The following SLC25A37 variants were observed in gnomAD, a reference collection of about 807,000 sequenced individuals.
SLC25A37 encodes mitoferrin-1.
Under a neutral mutation model 31.0 loss-of-function variants are expected in SLC25A37, and 17 were observed. The observed-to-expected ratio is 0.55, with a 90% CI of 0.38 to 0.82. SLC25A37 has a LOEUF of 0.82. Ranked by LOEUF, SLC25A37 falls within the 40% of genes least tolerant of loss-of-function variation. The probability of loss-of-function intolerance (pLI) is 0.00; values close to 1 mark genes in which losing one functional copy is unlikely to be tolerated. For missense variants in SLC25A37, 404 were observed against 465.8 expected, an observed-to-expected ratio of 0.87 and a Z score of 1.22; for synonymous variants, 222 against 193.0, an observed-to-expected ratio of 1.15 and a Z score of -1.24.
chr8:23,562,883 C>G (rs777659749), intron 1 of SLC25A37, among the ~76,000 whole-genome samples: 28 of 152,124 alleles, frequency 1.8e-4, no homozygotes, highest in Non-Finnish European at 3.7e-4. Context: ...CACCTGGTAC[C>G]CTTGCTTTTT....
chr8:23,536,010 G>T (rs1421513622), intron 1 of SLC25A37, among the ~76,000 whole-genome samples: 1 of 152,152 alleles, frequency 6.6e-6, no homozygotes, highest in Admixed American at 6.5e-5. Context: ...TTATAGGGTT[G>T]TTGTAAGAAT....
At chr8:23,545,885 C>G (rs933031401) in intron 1 of SLC25A37, among the ~76,000 whole-genome samples, 2 of 152,080 alleles carry the variant, frequency 1.3e-5, no homozygotes, top group African/African-American at 2.4e-5. Context: ...GCCTGTAATT[C>G]CAGCACTTTG....
intron 1 of SLC25A37, among the ~76,000 whole-genome samples, chr8:23,548,557 A>C (rs1156810612): frequency 8.0e-6 from 1 of 125,670 alleles, no homozygotes; most frequent in Admixed American, 9.0e-5. Context: ...TGTAACCTCC[A>C]CCTCCTGGGT....
chr8:23,531,232 C>T (rs1801655337), intron 1 of SLC25A37, among the ~76,000 whole-genome samples: 1 of 152,228 alleles, frequency 6.6e-6, no homozygotes, highest in Admixed American at 6.5e-5. Flanking sequence ...AGTTGTCTGC[C>T]AAGCATGAGG....
Position 23,572,007 on chromosome 8 carries a change from G to GT in SLC25A37, c.*152_*153insT. The GT allele has an allele frequency of 3.5e-6, 3 of 851,550 alleles. No homozygotes were observed. Among genetic ancestry groups the GT allele is most frequent in the Non-Finnish European group, 3.6e-6 (2 of 558,720 alleles). The allele number at this position is 851,550 out of a possible 1,614,324, so 52.7% of individuals were successfully genotyped here. A position where few individuals can be genotyped will look rare whatever the true frequency, so the allele number is the denominator to read the frequency against. ...CCTTAGAGAGAGGAGGGGACGGCAC[G>GT]GCCGCTCACCGGAAGGCTGTGTGCG... is the stretch of plus-strand genomic sequence containing the variant. On this transcript the variant is annotated 3_prime_UTR_variant, in exon 4 of 4. Transcript: ENST00000519973.
intron 1 of SLC25A37, among the ~76,000 whole-genome samples, chr8:23,540,990 C>A (rs192044403): frequency 6.0e-4 from 91 of 152,326 alleles, no homozygotes; most frequent in Admixed American, 3.4e-3. Context: ...AAAATCCAGG[C>A]TCTCATTCCA....
At chr8:23,554,912 C>T (rs1246896926) in intron 1 of SLC25A37, among the ~76,000 whole-genome samples, 1 of 152,156 alleles carries the variant, frequency 6.6e-6, no homozygotes, top group Non-Finnish European at 1.5e-5. Flanking sequence ...TTCATAGCTC[C>T]CATCATATTG....
chr8:23,565,258 C>G (rs1802621807), intron 1 of SLC25A37, among the ~76,000 whole-genome samples: 1 of 152,100 alleles, frequency 6.6e-6, no homozygotes, highest in Non-Finnish European at 1.5e-5. Flanking sequence ...AGTGTTAGAT[C>G]AAATATCTGG....
At chr8:23,566,715 CAA>C (rs74273493) in intron 2 of SLC25A37, 1,171 of 803,432 alleles carry the variant, frequency 1.5e-3, no homozygotes, top group South Asian at 2.5e-3. Flanking sequence ...ATGCTGGATT[CAA>C]AAAAAAAAAA....
At chr8:23,536,780 G>C (rs909406787) in intron 1 of SLC25A37, among the ~76,000 whole-genome samples, 2 of 152,226 alleles carry the variant, frequency 1.3e-5, no homozygotes, top group African/African-American at 4.8e-5. Context: ...AGGCCTGCCT[G>C]TGGCTGTATC....
Position 23,564,384 on chromosome 8 carries a change from A to AT in SLC25A37, c.211-1716dup, listed in dbSNP as rs1251897013. 6.5e-5 allele frequency among the ~76,000 whole-genome samples: 9 copies of AT among 137,824 alleles called. No homozygotes were observed. In the South Asian group the frequency reaches 9.6e-4, roughly 15 times the overall value. The allele number at this position is 137,824 out of a possible 152,430, so 90.4% of individuals were successfully genotyped here. ...CCTCCTTTTTTATATGTAGGATTAGATTTTTTTTATGATTTTGTTTGGAGA... is the reference window on the plus strand; with the variant it reads ...CCTCCTTTTTTATATGTAGGATTAGATTTTTTTTTATGATTTTGTTTGGAGA... On this transcript the variant is annotated intron_variant, in intron 1 of 3. Transcript: ENST00000519973.
intron 1 of SLC25A37, among the ~76,000 whole-genome samples, chr8:23,551,888 TG>T (rs1164624234): frequency 1.3e-5 from 2 of 152,284 alleles, no homozygotes; most frequent in East Asian, 3.9e-4. Flanking sequence ...AGGGTCAGGA[TG>T]GGGTTTTATT....
At chr8:23,549,294 C>T (rs902133123) in intron 1 of SLC25A37, among the ~76,000 whole-genome samples, 12 of 152,168 alleles carry the variant, frequency 7.9e-5, no homozygotes, top group Admixed American at 5.2e-4. Context: ...GCCTCCTCCT[C>T]TCACTTTTGG....
intron 1 of SLC25A37, among the ~76,000 whole-genome samples, chr8:23,538,533 GTGTGTGTGTGTGTT>G (rs1338423543): frequency 6.6e-6 from 1 of 151,104 alleles, no homozygotes; most frequent in South Asian, 2.1e-4. Flanking sequence ...GTGTGTGTGT[GTGTGTGTGTGTGTT>G]TGTGTGTGTG....
intron 1 of SLC25A37, among the ~76,000 whole-genome samples, chr8:23,546,138 G>GAA (rs571510204): frequency 2.9e-4 from 41 of 141,674 alleles, no homozygotes; most frequent in East Asian, 1.3e-3. Flanking sequence ...TCTGTCTCAA[G>GAA]AAAAAAAAAA....
At chr8:23,560,039 G>C (rs911098181) in intron 1 of SLC25A37, among the ~76,000 whole-genome samples, 1 of 152,146 alleles carries the variant, frequency 6.6e-6, no homozygotes, top group Admixed American at 6.5e-5. Context: ...TACTTTGGGA[G>C]GCACAGATAG....
intron 1 of SLC25A37, among the ~76,000 whole-genome samples, chr8:23,561,321 G>A (rs773273393): frequency 1.3e-5 from 2 of 152,142 alleles, no homozygotes; most frequent in African/African-American, 2.4e-5. Flanking sequence ...AAAAGGGGAG[G>A]GGGTGAGAAA....
chr8:23,537,975 T>C (rs1801805188), intron 1 of SLC25A37, among the ~76,000 whole-genome samples: 1 of 152,070 alleles, frequency 6.6e-6, no homozygotes, highest in Non-Finnish European at 1.5e-5. Context: ...CTCCAGCCTT[T>C]CTTGGACTCA....
At position 23,573,037 on chromosome 8, in the gene SLC25A37, G is replaced by C. The variant is rs1019727132; in HGVS notation, c.*1182G>C. On this transcript the variant is annotated 3_prime_UTR_variant, in exon 4 of 4. Transcript: ENST00000519973. ...GTGTTTTGACTGAATCTCATCTCCT[G>C]TGTTTCCCTGTGCAGTCTAGGGAAG... 1 of 152,252 alleles carries C rather than the reference G, an allele frequency of 6.6e-6. No homozygotes were observed. Among genetic ancestry groups the C allele is most frequent in the Admixed American group, 6.5e-5 (1 of 15,284 alleles). 9.4% of individuals were successfully genotyped at this position (152,252 alleles called of 1,614,324 possible).
Sources: gnomAD v4.1 joint callset for allele counts (sites outside exome capture counted in the v4.1 genomes callset) on GRCh38, gnomAD v4.1.1 for gene constraint, MANE v1.5 for transcripts, NCBI Gene and HGNC (gene_info 2026-07-23, HGNC 2026-07-21) for gene names.